ADGRL4: variants seen among roughly 807,000 people sequenced by gnomAD.
ADGRL4 encodes the protein adhesion G protein-coupled receptor L4, also known as EGF, latrophilin and seven transmembrane domain containing 1.
ADGRL4 carries 90 observed loss-of-function variants against 74.8 expected under a neutral mutation model. The ratio of observed to expected loss-of-function variants is 1.20; its 90% confidence interval spans 1.02 to 1.43. ADGRL4 has a LOEUF of 1.43. Among genes scored for constraint, ADGRL4 ranks in the 40% most tolerant of loss-of-function variants. The pLI is 0.00. For synonymous variants in ADGRL4, 311 were observed against 279.2 expected (o/e 1.11, Z -1.14); for missense variants, 881 against 814.3 (o/e 1.08, Z -1.00).
chr1:78,895,992 C>T (rs12119354), intron 12 of ADGRL4, among the ~76,000 whole-genome samples: 9,013 of 151,962 alleles, frequency 0.059, 290 homozygotes, highest in South Asian at 0.097. Context: ...TCTAAGCAGT[C>T]TTGAATGACC....
chr1:78,934,456 GA>G (rs1211310744), intron 7 of ADGRL4, among the ~76,000 whole-genome samples: 5 of 152,066 alleles, frequency 3.3e-5, no homozygotes, highest in Non-Finnish European at 7.4e-5. Flanking sequence ...ACTCCTAGAA[GA>G]AAATGTAGGT....
At chr1:78,942,035 T>A (rs1376383098) in intron 3 of ADGRL4, among the ~76,000 whole-genome samples, 1 of 151,740 alleles carries the variant, frequency 6.6e-6, no homozygotes, top group Non-Finnish European at 1.5e-5. Flanking sequence ...CCGTCTCTAC[T>A]AAAAATACAA....
chr1:78,907,365 C>T (rs945910342), intron 12 of ADGRL4, among the ~76,000 whole-genome samples: 6 of 151,864 alleles, frequency 4.0e-5, no homozygotes, highest in East Asian at 1.9e-4. Flanking sequence ...CTTTTCATGG[C>T]GCATCATTCA....
At chr1:78,891,854 G>GT (rs1445073735) in intron 13 of ADGRL4, among the ~76,000 whole-genome samples, 162 bp from the exon 14 acceptor site, 2 of 152,162 alleles carry the variant, frequency 1.3e-5, no homozygotes, top group Non-Finnish European at 2.9e-5. Flanking sequence ...GCTGCAGTTA[G>GT]GTGTGACAGC....
chr1:78,974,567 G>A (rs1157015627), intron 2 of ADGRL4, among the ~76,000 whole-genome samples: 1 of 152,094 alleles, frequency 6.6e-6, no homozygotes, highest in African/African-American at 2.4e-5. Context: ...TAAAAACACA[G>A]GTGTATTATC....
chr1:79,004,949 T>TA lies in ADGRL4; in HGVS notation c.172+120dup, dbSNP rs563078392. 1.9e-4 allele frequency: 154 copies of TA among 829,860 alleles called. 1 individual carries two copies. Among genetic ancestry groups the TA allele is most frequent in the Middle Eastern group, 1.1e-3 (3 of 2,650 alleles). 51.4% of individuals were successfully genotyped at this position (829,860 alleles called of 1,614,324 possible). A position where few individuals can be genotyped will look rare whatever the true frequency, so the allele number is the denominator to read the frequency against. On this transcript the variant is annotated intron_variant, in intron 2 of 14. Coordinates refer to ENST00000370742, the MANE Select transcript of ADGRL4 (RefSeq NM_022159.4). The stretch of plus-strand genomic sequence containing the variant: ...ACTGTTTAGCTACTTACGCGTTTTT[T>TA]AAATAGTATGAAATTAAACAGTATA...
At chr1:78,930,921 T>C (rs1649229407) in intron 7 of ADGRL4, among the ~76,000 whole-genome samples, 2 of 151,368 alleles carry the variant, frequency 1.3e-5, no homozygotes, top group African/African-American at 4.9e-5. Context: ...TGAATCAACA[T>C]TGAATTTTGA....
At chr1:78,915,541 AC>A (rs1648852873) in intron 12 of ADGRL4, among the ~76,000 whole-genome samples, 1 of 151,828 alleles carries the variant, frequency 6.6e-6, no homozygotes, top group Non-Finnish European at 1.5e-5. Context: ...CTAATAGAGA[AC>A]ATTGTCCTCC....
chr1:78,891,019 G>A lies in ADGRL4; in HGVS notation c.*135C>T. 6 of 891,342 alleles carry A rather than the reference G, an allele frequency of 6.7e-6. No homozygotes were observed. Among genetic ancestry groups the A allele is most frequent in the Non-Finnish European group, 1.1e-5 (6 of 545,100 alleles). 55.2% of individuals were successfully genotyped at this position (891,342 alleles called of 1,614,324 possible). ...ATCTACAGTTCCTATAGCATAAACA[G>A]AAAAACTGATTTAAAATACTTTTTG... On this transcript the variant is annotated 3_prime_UTR_variant, in exon 15 of 15. Transcript: ENST00000370742.
chr1:79,003,802 G>A (rs1465232920), intron 2 of ADGRL4, among the ~76,000 whole-genome samples: 1 of 151,986 alleles, frequency 6.6e-6, no homozygotes, highest in African/African-American at 2.4e-5. Flanking sequence ...GTGAGATGCA[G>A]TATTTTGAAG....
intron 2 of ADGRL4, among the ~76,000 whole-genome samples, chr1:78,997,454 G>C (rs1050414526): frequency 2.0e-5 from 3 of 152,158 alleles, no homozygotes; most frequent in South Asian, 2.1e-4. Context: ...CCTACGAAAG[G>C]AGAAGAATTA....
chr1:78,968,646 G>A (rs1557515885), intron 2 of ADGRL4, among the ~76,000 whole-genome samples: 1 of 152,068 alleles, frequency 6.6e-6, no homozygotes, highest in Non-Finnish European at 1.5e-5. Flanking sequence ...ACTCTTTATA[G>A]CACCTTCTTT....
intron 2 of ADGRL4, among the ~76,000 whole-genome samples, chr1:78,987,570 G>A (rs1172162471): frequency 4.6e-5 from 7 of 151,726 alleles, no homozygotes; most frequent in Non-Finnish European, 4.4e-5. Context: ...TTAGGACAAT[G>A]TCTAGTCAGT....
chr1:78,941,521 A>T (rs900622783), intron 3 of ADGRL4, among the ~76,000 whole-genome samples: 1 of 152,160 alleles, frequency 6.6e-6, no homozygotes, highest in African/African-American at 2.4e-5. Flanking sequence ...TCTATAGGTA[A>T]CAGTAAACAA....
At chr1:78,992,821 T>C (rs1298222102) in intron 2 of ADGRL4, among the ~76,000 whole-genome samples, 2 of 152,140 alleles carry the variant, frequency 1.3e-5, no homozygotes, top group Non-Finnish European at 2.9e-5. Context: ...ATATATACTG[T>C]ACAGTGGTGT....
chr1:78,935,167 A>C (rs1649327061), intron 7 of ADGRL4, among the ~76,000 whole-genome samples: 1 of 152,228 alleles, frequency 6.6e-6, no homozygotes, highest in African/African-American at 2.4e-5. Flanking sequence ...ATGCCCATCA[A>C]TGATAGACTG....
chr1:78,922,835 C>T (rs1207904596), intron 8 of ADGRL4, among the ~76,000 whole-genome samples: 1 of 151,844 alleles, frequency 6.6e-6, no homozygotes, highest in Non-Finnish European at 1.5e-5. Context: ...TTAAAGAAAA[C>T]ATGTCCTGAG....
intron 7 of ADGRL4, among the ~76,000 whole-genome samples, chr1:78,935,589 C>T (rs1649336688): frequency 6.6e-6 from 1 of 151,264 alleles, no homozygotes; most frequent in Non-Finnish European, 1.5e-5. Context: ...CACACAATCA[C>T]AAATTTTGTC....
rs2100686662 is a variant in ADGRL4, at chr1:78,936,466, C to A, written c.761-55G>T. ...TGAAATTACTTTAATCAATATACAT[C>A]ATAAATATATTAGCTTAGAGACAAT... On this transcript the variant is annotated intron_variant, in intron 6 of 14. Transcript: ENST00000370742. The A allele has an allele frequency of 3.6e-6, 5 of 1,386,490 alleles. No homozygotes were observed. The East Asian group carries it at 1.0e-4, about 28-fold the overall frequency. 85.9% of individuals were successfully genotyped at this position (1,386,490 alleles called of 1,614,324 possible).
Sources: gnomAD v4.1 joint callset for allele counts (sites outside exome capture counted in the v4.1 genomes callset) on GRCh38, gnomAD v4.1.1 for gene constraint, MANE v1.5 for transcripts, NCBI Gene and HGNC (gene_info 2026-07-23, HGNC 2026-07-21) for gene names.